CTNNA2: variants seen among roughly 807,000 people sequenced by gnomAD.
CTNNA2 encodes catenin alpha-2.
A neutral mutation model predicts 101.0 loss-of-function variants in CTNNA2; 42 were observed. The ratio of observed to expected loss-of-function variants is 0.42; its 90% CI spans 0.32 to 0.54. The LOEUF (loss-of-function observed/expected upper bound fraction) is 0.54, where lower values mean the gene tolerates loss of function less well. CTNNA2 is among the 20% of genes least tolerant of loss of function. The pLI is 0.14. For synonymous variants in CTNNA2, 450 were observed against 456.4 expected, an observed-to-expected ratio of 0.99 and a Z score of 0.18; for missense variants, 871 against 1,223.1, an observed-to-expected ratio of 0.71 and a Z score of 4.29.
intron 1 of CTNNA2, among the ~76,000 whole-genome samples, chr2:79,541,729 C>T (rs537992422): frequency 1.1e-4 from 13 of 116,614 alleles, no homozygotes; most frequent in Non-Finnish European, 2.2e-4. Context: ...TGGGGTCAAG[C>T]AATTCTCCTG....
intron 7 of CTNNA2, among the ~76,000 whole-genome samples, chr2:80,226,133 T>C (rs1049335817): frequency 2.0e-5 from 3 of 152,206 alleles, no homozygotes; most frequent in Non-Finnish European, 4.4e-5. Context: ...TGGCCTTCCA[T>C]GACTTCAGCT....
intron 2 of CTNNA2, among the ~76,000 whole-genome samples, chr2:79,674,944 T>C (rs1369719033): frequency 2.0e-5 from 3 of 152,216 alleles, no homozygotes; most frequent in Non-Finnish European, 4.4e-5. Context: ...TTATGCTCTT[T>C]TCAATAATTT....
intron 7 of CTNNA2, among the ~76,000 whole-genome samples, chr2:80,225,742 A>G (rs755602027): frequency 6.6e-6 from 1 of 152,214 alleles, no homozygotes; most frequent in Non-Finnish European, 1.5e-5. Flanking sequence ...ATTTTATTAA[A>G]ATAGTTGCTT....
At chr2:79,800,215 G>A (rs72824553) in intron 3 of CTNNA2, among the ~76,000 whole-genome samples, 71 of 152,202 alleles carry the variant, frequency 4.7e-4, no homozygotes, top group Non-Finnish European at 8.7e-4. Flanking sequence ...AGATTTTACG[G>A]TAGTTTGGAA....
intron 6 of CTNNA2, among the ~76,000 whole-genome samples, chr2:79,888,654 A>G (rs2104188080): frequency 6.6e-6 from 1 of 152,290 alleles, no homozygotes; most frequent in African/African-American, 2.4e-5. Context: ...AGGTTTAATC[A>G]AAATTATTAT....
intron 1 of CTNNA2, among the ~76,000 whole-genome samples, chr2:79,552,379 G>T (rs548840221): frequency 6.6e-6 from 1 of 152,106 alleles, no homozygotes; most frequent in South Asian, 2.1e-4. Context: ...TGCTTCCACC[G>T]GTTGGCATTG....
chr2:79,412,786 A>G (rs1016527751), intron 4 of CTNNA2, among the ~76,000 whole-genome samples: 2 of 152,112 alleles, frequency 1.3e-5, no homozygotes, highest in Non-Finnish European at 2.9e-5. Flanking sequence ...ATAAATTGAG[A>G]AGGAGAAACT....
intron 7 of CTNNA2, among the ~76,000 whole-genome samples, chr2:80,128,571 T>C (rs898810999): frequency 1.3e-5 from 2 of 152,178 alleles, no homozygotes; most frequent in Admixed American, 1.3e-4. Context: ...TTTGTATAAC[T>C]TTAGCCAACT....
chr2:80,171,552 G>A (rs1032471846), intron 7 of CTNNA2, among the ~76,000 whole-genome samples: 11 of 152,146 alleles, frequency 7.2e-5, no homozygotes, highest in Admixed American at 4.6e-4. Context: ...AGGATGGGGA[G>A]GCATCAGTGC....
intron 1 of CTNNA2, among the ~76,000 whole-genome samples, chr2:79,564,795 T>C (rs1447436731): frequency 6.6e-6 from 1 of 152,166 alleles, no homozygotes; most frequent in East Asian, 1.9e-4. Flanking sequence ...TATCCTGAAG[T>C]TATATTTTTC....
At chr2:80,418,246 C>G (rs1262697805) in intron 8 of CTNNA2, among the ~76,000 whole-genome samples, 1 of 152,152 alleles carries the variant, frequency 6.6e-6, no homozygotes, top group Non-Finnish European at 1.5e-5. Context: ...GTCCCAGCTT[C>G]TTCATTTGAA....
chr2:79,931,893 A>G (rs1687470641), intron 7 of CTNNA2, among the ~76,000 whole-genome samples: 1 of 152,220 alleles, frequency 6.6e-6, no homozygotes, highest in Admixed American at 6.5e-5. Flanking sequence ...ACCTACTCTC[A>G]GAATCTCTCT....
chr2:80,294,792 C>T (rs1675597437), intron 7 of CTNNA2, among the ~76,000 whole-genome samples: 1 of 152,126 alleles, frequency 6.6e-6, no homozygotes, highest in African/African-American at 2.4e-5. Flanking sequence ...AAGCACTCTG[C>T]TAGCTGAGCA....
chr2:80,049,298 A>G (rs1488293262), intron 7 of CTNNA2, among the ~76,000 whole-genome samples: 1 of 152,144 alleles, frequency 6.6e-6, no homozygotes, highest in Non-Finnish European at 1.5e-5. Flanking sequence ...GCGACCCTGA[A>G]GTCATCAGTT....
chr2:80,062,699 G>A (rs924986015), intron 7 of CTNNA2, among the ~76,000 whole-genome samples: 2 of 137,374 alleles, frequency 1.5e-5, no homozygotes, highest in African/African-American at 5.5e-5. Flanking sequence ...ACTGCACTGT[G>A]ATCTTTTTTT....
At chr2:79,320,549 A>G (rs1035743827) in intron 3 of CTNNA2, among the ~76,000 whole-genome samples, 2 of 152,182 alleles carry the variant, frequency 1.3e-5, no homozygotes, top group African/African-American at 4.8e-5. Context: ...AGAAGAGTCT[A>G]CCTGAAAGAC....
At chr2:79,861,188 G>A (rs557920875) in intron 4 of CTNNA2, among the ~76,000 whole-genome samples, 1 of 152,272 alleles carries the variant, frequency 6.6e-6, no homozygotes, top group Non-Finnish European at 1.5e-5. Context: ...CCTGTAGTGA[G>A]ACTACAGCCT....
chr2:80,002,468 C>G (rs1693018618), intron 7 of CTNNA2, among the ~76,000 whole-genome samples: 1 of 152,122 alleles, frequency 6.6e-6, no homozygotes, highest in Non-Finnish European at 1.5e-5. Flanking sequence ...TCCCTGACAT[C>G]TAGATCAAAT....
intron 18 of CTNNA2, among the ~76,000 whole-genome samples, chr2:80,636,334 T>G (rs188756611): frequency 1.3e-5 from 2 of 152,224 alleles, no homozygotes; most frequent in Admixed American, 1.3e-4. Flanking sequence ...AGATTAAAAA[T>G]TATGCATTTA....
Sources: allele counts gnomAD v4.1 joint callset (sites outside exome capture counted in the v4.1 genomes callset), GRCh38; gene constraint gnomAD v4.1.1; transcripts MANE v1.5; gene names NCBI Gene and HGNC (gene_info 2026-07-23, HGNC 2026-07-21).